CDC42SE2: variants seen among roughly 807,000 people sequenced by gnomAD.
The protein encoded by CDC42SE2 is CDC42 small effector 2, also known as CDC42 small effector protein 2.
A neutral mutation model predicts 11.5 loss-of-function variants in CDC42SE2; 3 were observed. The observed-to-expected ratio is 0.26, with a 90% confidence interval of 0.12 to 0.67. The LOEUF is 0.67. Ranked by LOEUF, CDC42SE2 falls within the 30% of genes least tolerant of loss-of-function variation. CDC42SE2 has a pLI of 0.80. For synonymous variants in CDC42SE2, 33 were observed against 34.8 expected, an observed-to-expected ratio of 0.95 and a Z score of 0.18; for missense variants, 82 against 106.8, an observed-to-expected ratio of 0.77 and a Z score of 1.02.
chr5:131,322,423 T>C (rs568280437), intron 2 of CDC42SE2, among the ~76,000 whole-genome samples: 2 of 152,246 alleles, frequency 1.3e-5, no homozygotes, highest in Non-Finnish European at 2.9e-5. Context: ...ACAGTATTTA[T>C]GTTTTTGTGA....
chr5:131,231,400 C>T, the CDC42SE2 span, among the ~76,000 whole-genome samples: 1 of 151,952 alleles, frequency 6.6e-6, no homozygotes, highest in Non-Finnish European at 1.5e-5. Context: ...TTTAATATCC[C>T]AACTCTATCA....
chr5:131,261,198 G>T (rs961814455), upstream of CDC42SE2: 6 of 152,124 alleles, frequency 3.9e-5, no homozygotes, highest in Non-Finnish European at 5.9e-5. Flanking sequence ...ACTTTTATCG[G>T]TATTTTCACT....
At chr5:131,325,802 T>C (rs1758286553) in intron 2 of CDC42SE2, among the ~76,000 whole-genome samples, 1 of 152,196 alleles carries the variant, frequency 6.6e-6, no homozygotes, top group Non-Finnish European at 1.5e-5. Flanking sequence ...TATCTCTTCT[T>C]TCCTCTTCCT....
intron 1 of CDC42SE2, among the ~76,000 whole-genome samples, chr5:131,313,006 G>A (rs1757962299): frequency 6.7e-6 from 1 of 149,512 alleles, no homozygotes; most frequent in East Asian, 1.9e-4. Flanking sequence ...TTTTTTAGAC[G>A]GAGTCTTGCT....
intron 2 of CDC42SE2, among the ~76,000 whole-genome samples, chr5:131,337,375 C>G (rs1232219074): frequency 2.0e-5 from 3 of 152,172 alleles, no homozygotes; most frequent in Non-Finnish European, 2.9e-5. Flanking sequence ...TCAAGTCTGC[C>G]CCTACTGGGG....
At chr5:131,234,894 T>TC in the CDC42SE2 span, among the ~76,000 whole-genome samples, 82 of 149,582 alleles carry the variant, frequency 5.5e-4, no homozygotes, top group Middle Eastern at 3.4e-3. Context: ...AGGGCAAATT[T>TC]TTTTTTTTTT....
At chr5:131,291,380 G>C (rs1757454530) in intron 1 of CDC42SE2, among the ~76,000 whole-genome samples, 1 of 152,078 alleles carries the variant, frequency 6.6e-6, no homozygotes, top group African/African-American at 2.4e-5. Context: ...TGGGGCTTTG[G>C]CATTAATATT....
intron 1 of CDC42SE2, among the ~76,000 whole-genome samples, chr5:131,293,590 AAGT>A (rs1036697894): frequency 2.6e-5 from 4 of 151,152 alleles, no homozygotes; most frequent in African/African-American, 9.8e-5. Flanking sequence ...AAAAAAAAAA[AAGT>A]GGGCCCTCAC....
intron 1 of CDC42SE2, among the ~76,000 whole-genome samples, chr5:131,310,453 T>A (rs1757879604): frequency 6.6e-6 from 1 of 152,060 alleles, no homozygotes; most frequent in South Asian, 2.1e-4. Flanking sequence ...TCTGTAGATG[T>A]CTATTAGGTC....
chr5:131,311,501 T>C (rs1272675731), intron 1 of CDC42SE2, among the ~76,000 whole-genome samples: 2 of 151,838 alleles, frequency 1.3e-5, no homozygotes, highest in Admixed American at 6.6e-5. Flanking sequence ...CCTTGCTAGA[T>C]TGGGGAAGTT....
chr5:131,334,394 A>C (rs988377182), intron 2 of CDC42SE2, among the ~76,000 whole-genome samples: 6 of 152,128 alleles, frequency 3.9e-5, no homozygotes, highest in Non-Finnish European at 8.8e-5. Context: ...TTTTGCATCA[A>C]TGTTCATCAA....
intron 1 of CDC42SE2, among the ~76,000 whole-genome samples, chr5:131,293,567 C>T (rs1435183448): frequency 7.7e-5 from 9 of 116,620 alleles, no homozygotes; most frequent in African/African-American, 2.6e-4. Flanking sequence ...AGCAAAACTC[C>T]GTCTCAAAAA....
Position 131,393,366 on chromosome 5 carries a change from T to C in CDC42SE2, c.*2275T>C, listed in dbSNP as rs1750724853. ...CCAGTACAGCGGGGCACCAGATTAC[T>C]TGATCTTTGTATTTTGCAGTTTTGA... On this transcript the variant is annotated 3_prime_UTR_variant, in exon 5 of 5. Coordinates refer to ENST00000505065, the MANE Select transcript of CDC42SE2 (RefSeq NM_001375635.1). 6.6e-6 allele frequency: 1 copy of C among 152,400 alleles called. No homozygotes were observed. The highest frequency in any genetic ancestry group is 2.1e-4 in the South Asian group (1 of 4,832). The allele number at this position is 152,400 out of a possible 1,614,324, so 9.4% of individuals were successfully genotyped here.
At chr5:131,286,693 A>C (rs2149706207) in intron 1 of CDC42SE2, among the ~76,000 whole-genome samples, 1 of 152,118 alleles carries the variant, frequency 6.6e-6, no homozygotes, top group South Asian at 2.1e-4. Context: ...GATAAGGATG[A>C]AGACTTTATG....
At chr5:131,314,415 T>G (rs1216712029) in intron 1 of CDC42SE2, among the ~76,000 whole-genome samples, 1 of 151,964 alleles carries the variant, frequency 6.6e-6, no homozygotes, top group Non-Finnish European at 1.5e-5. Flanking sequence ...ACATTTTTTT[T>G]GTTGTTGTTG....
intron 2 of CDC42SE2, among the ~76,000 whole-genome samples, chr5:131,320,666 C>T (rs1036717673): frequency 2.7e-5 from 4 of 149,070 alleles, no homozygotes; most frequent in South Asian, 2.2e-4. Flanking sequence ...CACTTGAACC[C>T]GGAGGCGGAG....
the CDC42SE2 span, among the ~76,000 whole-genome samples, chr5:131,222,248 A>C: frequency 2.0e-5 from 3 of 152,252 alleles, no homozygotes; most frequent in Non-Finnish European, 4.4e-5. Context: ...TTTCACAAGC[A>C]CACAGGAAGT....
chr5:131,263,352 T>TA (rs2149687158), upstream of CDC42SE2, among the ~76,000 whole-genome samples: 1 of 152,252 alleles, frequency 6.6e-6, no homozygotes, highest in East Asian at 1.9e-4. Flanking sequence ...CTTTTGAACT[T>TA]ACGATAAAGT....
At chr5:131,284,271 A>G (rs2149704375) in intron 1 of CDC42SE2, among the ~76,000 whole-genome samples, 1 of 152,356 alleles carries the variant, frequency 6.6e-6, no homozygotes, top group South Asian at 2.1e-4. Context: ...TCAGTGAAGC[A>G]TTAGTTATAA....
Sources: allele counts gnomAD v4.1 joint callset (sites outside exome capture counted in the v4.1 genomes callset), GRCh38; gene constraint gnomAD v4.1.1; transcripts MANE v1.5; gene names NCBI Gene and HGNC (gene_info 2026-07-23, HGNC 2026-07-21).